Variants in TP63 observed in about 807,000 individuals in gnomAD.
TP63 encodes the protein tumor protein p63.
In TP63, 17 loss-of-function variants were observed where a neutral mutation model predicts 82.8. The ratio of observed to expected loss-of-function variants is 0.21; its 90% CI spans 0.14 to 0.31. The LOEUF (loss-of-function observed/expected upper bound fraction) is 0.31. TP63 is among the 10% of genes least tolerant of loss of function. The probability of loss-of-function intolerance (pLI) is 1.00; values close to 1 mark genes in which losing one functional copy is unlikely to be tolerated. For synonymous variants in TP63, 330 were observed against 321.7 expected, an observed-to-expected ratio of 1.03 and a Z score of -0.28; for missense variants, 648 against 895.3, an observed-to-expected ratio of 0.72 and a Z score of 3.52.
intron 1 of TP63, among the ~76,000 whole-genome samples, chr3:189,724,886 C>A (rs115680495): frequency 6.6e-6 from 1 of 151,966 alleles, no homozygotes; most frequent in East Asian, 1.9e-4. Flanking sequence ...GATGGGGGTA[C>A]GGGAGAGACT....
At chr3:189,654,496 CA>C (rs1328287782) in intron 1 of TP63, among the ~76,000 whole-genome samples, 2 of 152,078 alleles carry the variant, frequency 1.3e-5, no homozygotes, top group African/African-American at 4.8e-5. Context: ...AAAATAAACA[CA>C]TTTTTGATGT....
At position 189,881,023 on chromosome 3, in the gene TP63, G is replaced by A. The variant is rs964866623; in HGVS notation, c.1350-5371G>A. On this transcript the variant is annotated intron_variant, in intron 10 of 13. Coordinates refer to ENST00000264731, the MANE Select transcript of TP63 (RefSeq NM_003722.5). The stretch of plus-strand genomic sequence containing the variant: ...TCCACCCCAGTAATATTGCCCTTAC[G>A]TAGTTGTTTACCATTATTCAAAGCT... 31 of 985,286 alleles carry A rather than the reference G, an allele frequency of 3.1e-5. No homozygotes were observed. The African/African-American group carries it at 3.8e-4, about 12-fold the overall frequency. The allele number at this position is 985,286 out of a possible 1,614,324, so 61.0% of individuals were successfully genotyped here. A position where few individuals can be genotyped will look rare whatever the true frequency, so the allele number is the denominator to read the frequency against.
chr3:189,608,931 C>T, the TP63 span, among the ~76,000 whole-genome samples: 10 of 133,024 alleles, frequency 7.5e-5, no homozygotes, highest in African/African-American at 1.6e-4. Context: ...TGGAGCACCA[C>T]GTACAAATTT....
intron 1 of TP63, among the ~76,000 whole-genome samples, chr3:189,724,061 C>T (rs1719593650): frequency 6.8e-6 from 1 of 146,948 alleles, no homozygotes; most frequent in Non-Finnish European, 1.5e-5. Context: ...CTCCACTCCT[C>T]ACAGAGGTCA....
At chr3:189,633,970 A>C (rs1331974712) in intron 1 of TP63, among the ~76,000 whole-genome samples, 15 of 152,272 alleles carry the variant, frequency 9.9e-5, no homozygotes. Context: ...TTAAGGACTG[A>C]ATTATTACTA....
intron 3 of TP63, among the ~76,000 whole-genome samples, chr3:189,762,834 G>C (rs1722679617): frequency 1.3e-5 from 2 of 152,314 alleles, no homozygotes; most frequent in South Asian, 2.1e-4. Context: ...TGAGGAGACA[G>C]ATATGAAGTC....
intron 1 of TP63, among the ~76,000 whole-genome samples, chr3:189,729,416 G>A (rs1352670851): frequency 6.6e-6 from 1 of 152,132 alleles, no homozygotes; most frequent in Admixed American, 6.5e-5. Flanking sequence ...TCTTAAGACA[G>A]GTCATGGTCA....
chr3:189,738,611 C>T (rs1414724542), intron 2 of TP63, 31 bp from the exon 3 acceptor site: 1 of 1,613,996 alleles, frequency 6.2e-7, no homozygotes, highest in East Asian at 2.2e-5. Flanking sequence ...CTTTCCATGC[C>T]TAACTCACTT....
chr3:189,651,991 A>G (rs1244838419), intron 1 of TP63, among the ~76,000 whole-genome samples: 1 of 146,940 alleles, frequency 6.8e-6, no homozygotes, highest in Non-Finnish European at 1.5e-5. Flanking sequence ...ACGTGTGGAA[A>G]CGCCTGGATG....
At chr3:189,769,056 T>G (rs568954483) in intron 3 of TP63, among the ~76,000 whole-genome samples, 71 of 152,288 alleles carry the variant, frequency 4.7e-4, no homozygotes, top group African/African-American at 1.7e-3. Flanking sequence ...ATTTGTAAAT[T>G]GTGGATTATA....
intron 11 of TP63, among the ~76,000 whole-genome samples, chr3:189,888,450 T>C (rs577996799): frequency 6.6e-6 from 1 of 152,342 alleles, no homozygotes; most frequent in East Asian, 1.9e-4. Context: ...GTTTGCCTAC[T>C]TTTTTTCTTA....
chr3:189,816,520 G>T (rs991927189), intron 4 of TP63, among the ~76,000 whole-genome samples: 1 of 152,090 alleles, frequency 6.6e-6, no homozygotes, highest in East Asian at 1.9e-4. Flanking sequence ...GTCATATCGC[G>T]AGTAAAACCA....
At chr3:189,755,561 G>T (rs1722127421) in intron 3 of TP63, among the ~76,000 whole-genome samples, 1 of 151,730 alleles carries the variant, frequency 6.6e-6, no homozygotes, top group South Asian at 2.1e-4. Flanking sequence ...ATTTTATTGT[G>T]TACATATACC....
At chr3:189,810,905 C>A (rs1369559111) in intron 4 of TP63, among the ~76,000 whole-genome samples, 1 of 150,932 alleles carries the variant, frequency 6.6e-6, no homozygotes, top group African/African-American at 2.4e-5. Flanking sequence ...TAGCATAATC[C>A]TAAACCATCA....
rs537838976 is a variant in TP63, at chr3:189,635,523, C to A, written c.62+3946C>A. ...GTTTCCTGTTGAATTCAACCAGCAG[C>A]AATCTCCTGCAGGAGAGTGAAGTTG... On this transcript the variant is annotated intron_variant, in intron 1 of 13. Transcript: ENST00000264731. Among the ~76,000 whole-genome samples, 235 of 152,198 alleles carry A rather than the reference C, an allele frequency of 1.5e-3. 1 individual carries two copies. Among genetic ancestry groups the A allele is most frequent in the Middle Eastern group, 6.8e-3 (2 of 294 alleles).
intron 3 of TP63, among the ~76,000 whole-genome samples, chr3:189,749,701 A>C (rs186134565): frequency 6.6e-6 from 1 of 152,236 alleles, no homozygotes; most frequent in East Asian, 1.9e-4. Context: ...AAAGGAAAAA[A>C]ATCAGTATAT....
chr3:189,795,799 C>G (rs756874540), intron 3 of TP63, among the ~76,000 whole-genome samples: 4 of 151,962 alleles, frequency 2.6e-5, no homozygotes, highest in Non-Finnish European at 5.9e-5. Flanking sequence ...TTCACATACT[C>G]TAGGGATGAT....
At chr3:189,679,922 C>A (rs2108689202) in intron 1 of TP63, among the ~76,000 whole-genome samples, 1 of 152,216 alleles carries the variant, frequency 6.6e-6, no homozygotes, top group Admixed American at 6.5e-5. Context: ...AAACAATTAA[C>A]CACAAATGCA....
chr3:189,688,566 T>C lies in TP63; in HGVS notation c.63-49174T>C, dbSNP rs555562791. Among the ~76,000 whole-genome samples, 292 of 152,282 alleles carry C rather than the reference T, an allele frequency of 1.9e-3. 1 individual carries two copies. Among genetic ancestry groups the C allele is most frequent in the Middle Eastern group, 0.017 (5 of 294 alleles). On this transcript the variant is annotated intron_variant, in intron 1 of 13. Transcript: ENST00000264731. The stretch of plus-strand genomic sequence containing the variant: ...GACCTATCGTCTCTCAAAATCCACC[T>C]GAGTTCTTATCACTGTACCCTTTTG...
Sources: allele counts gnomAD v4.1 joint callset (sites outside exome capture counted in the v4.1 genomes callset), GRCh38; gene constraint gnomAD v4.1.1; transcripts MANE v1.5; gene names NCBI Gene and HGNC (gene_info 2026-07-23, HGNC 2026-07-21).